The following SACS variants were observed in gnomAD, a reference collection of about 807,000 sequenced individuals.
SACS encodes sacsin molecular chaperone.
A neutral mutation model predicts 348.0 loss-of-function variants in SACS; 197 were observed. The observed-to-expected ratio is 0.57, with a 90% CI of 0.50 to 0.64. The LOEUF (loss-of-function observed/expected upper bound fraction) is 0.64, where lower values mean the gene tolerates loss of function less well. Ranked by LOEUF, SACS falls within the 30% of genes least tolerant of loss-of-function variation. The pLI is 0.00. For synonymous variants in SACS, 1,985 were observed against 1,910.6 expected (o/e 1.04, Z -1.02); for missense variants, 4,999 against 5,360.8 (o/e 0.93, Z 2.11).
At position 23,432,087 on chromosome 13, in the gene SACS, T is replaced by C. The variant is rs149436682; in HGVS notation, c.-502+1528A>G. On this transcript the variant is annotated intron_variant, in intron 1 of 9. Transcript: ENST00000382292. ...AGGGAACTGAGGCTCACAGAAGTTA[T>C]GTGGATTGTCAGGGGCTGCAGAGTA... Among the ~76,000 whole-genome samples the C allele has an allele frequency of 6.5e-3, 984 of 152,320 alleles. 21 individuals carry two copies. The highest frequency in any genetic ancestry group is 0.023 in the African/African-American group (946 of 41,572).
At chr13:23,397,206 A>T (rs1346555309) in intron 2 of SACS, among the ~76,000 whole-genome samples, 2 of 152,204 alleles carry the variant, frequency 1.3e-5, no homozygotes, top group Non-Finnish European at 2.9e-5. Flanking sequence ...AAAGGAAACT[A>T]TTACAATTAA....
At position 23,341,193 on chromosome 13, in the gene SACS, G is replaced by A; in HGVS notation, c.2683C>T (p.Leu895=). 3 of 1,613,616 alleles carry A rather than the reference G, an allele frequency of 1.9e-6. No homozygotes were observed. The highest frequency in any genetic ancestry group is 2.5e-6 in the Non-Finnish European group (3 of 1,180,028). Residue 895 remains leucine (L), a synonymous_variant, in exon 10 of 10, where the codon CTA becomes TTA. Coordinates refer to ENST00000382292, the MANE Select transcript of SACS (RefSeq NM_014363.6). The part of the protein sequence containing the change: ...LQKLCNQITS[L]LPTHKDALRK... ...AGGGCATCTTTGTGTGTTGGAAGTAGCGAAGTTATTTGATTACACAATTTC... is the reference window on the plus strand; with the variant it reads ...AGGGCATCTTTGTGTGTTGGAAGTAACGAAGTTATTTGATTACACAATTTC...
chr13:23,345,908 T>TA lies in SACS; in HGVS notation c.2186-4219dup, dbSNP rs564848742. ...GTTGAGTCAAAAATTTTTTATTTATTAAAAAAAAAGGCAGTCAGTAAAATG... is the reference window on the plus strand; with the variant it reads ...GTTGAGTCAAAAATTTTTTATTTATTAAAAAAAAAAGGCAGTCAGTAAAATG... On this transcript the variant is annotated intron_variant, in intron 9 of 9. Coordinates refer to ENST00000382292, the MANE Select transcript of SACS (RefSeq NM_014363.6). 6.6e-5 allele frequency among the ~76,000 whole-genome samples: 10 copies of TA among 150,996 alleles called. No individual in the cohort carries two copies. In the South Asian group the frequency reaches 8.4e-4, roughly 13 times the overall value.
intron 9 of SACS, among the ~76,000 whole-genome samples, chr13:23,343,142 A>G (rs1409497): frequency 0.063 from 9,611 of 152,262 alleles, 440 homozygotes; most frequent in Non-Finnish European, 0.097. Flanking sequence ...CACTCAGAAG[A>G]TATTTCCTTG....
chr13:23,379,832 C>G (rs1344252999), intron 2 of SACS, among the ~76,000 whole-genome samples: 1 of 152,128 alleles, frequency 6.6e-6, no homozygotes, highest in African/African-American at 2.4e-5. Context: ...TGCCAACTGC[C>G]CAGATATTGT....
At chr13:23,433,186 A>G (rs1874504419) in intron 1 of SACS, among the ~76,000 whole-genome samples, 1 of 152,200 alleles carries the variant, frequency 6.6e-6, no homozygotes, top group Non-Finnish European at 1.5e-5. Flanking sequence ...CTTATTGTTC[A>G]ATAAGACTCT....
At chr13:23,381,103 A>G (rs1872034539) in intron 2 of SACS, among the ~76,000 whole-genome samples, 1 of 152,194 alleles carries the variant, frequency 6.6e-6, no homozygotes, top group Admixed American at 6.5e-5. Flanking sequence ...ATGGTTTGTA[A>G]TTTGTCTAAA....
chr13:23,329,622 A>G lies in SACS; in HGVS notation c.*514T>C. 1 of 553,228 alleles carries G rather than the reference A, an allele frequency of 1.8e-6. No individual in the cohort carries two copies. The highest frequency in any genetic ancestry group is 3.0e-5 in the East Asian group (1 of 33,150). The allele number at this position is 553,228 out of a possible 1,614,324, so 34.3% of individuals were successfully genotyped here. ...CTACCATTTCTTAAATGCACTGAGT[A>G]CAACATAAAATTACAACAAATTCAT... On this transcript the variant is annotated 3_prime_UTR_variant, in exon 10 of 10. Coordinates refer to ENST00000382292, the MANE Select transcript of SACS (RefSeq NM_014363.6).
chr13:23,380,232 T>C (rs1386736251), intron 2 of SACS, among the ~76,000 whole-genome samples: 1 of 152,032 alleles, frequency 6.6e-6, no homozygotes, highest in African/African-American at 2.4e-5. Context: ...GAAAGGATGA[T>C]GCTGACTGGG....
intron 2 of SACS, among the ~76,000 whole-genome samples, chr13:23,406,594 T>A (rs150823029): frequency 3.2e-4 from 49 of 152,316 alleles, no homozygotes; most frequent in African/African-American, 1.1e-3. Flanking sequence ...CAATTCCACA[T>A]AAAACACTTC....
intron 2 of SACS, among the ~76,000 whole-genome samples, chr13:23,403,876 G>A (rs1205460485): frequency 6.6e-6 from 1 of 152,142 alleles, no homozygotes; most frequent in East Asian, 1.9e-4. Context: ...TCTCCTGTGG[G>A]CATTTAGTGC....
chr13:23,352,741 C>A (rs1034775687), intron 9 of SACS, among the ~76,000 whole-genome samples: 1 of 152,130 alleles, frequency 6.6e-6, no homozygotes, highest in Non-Finnish European at 1.5e-5. Context: ...ATGACAATTA[C>A]AATTAAATGA....
intron 1 of SACS, among the ~76,000 whole-genome samples, chr13:23,430,838 T>C (rs1874406688): frequency 6.6e-6 from 1 of 152,194 alleles, no homozygotes; most frequent in Non-Finnish European, 1.5e-5. Flanking sequence ...GTAAGGTTAT[T>C]ATAATTGGAC....
chr13:23,404,757 A>G (rs989408854), intron 2 of SACS, among the ~76,000 whole-genome samples: 1 of 152,214 alleles, frequency 6.6e-6, no homozygotes, highest in Non-Finnish European at 1.5e-5. Context: ...AAAAATCGCA[A>G]GCATTTCTAT....
chr13:23,382,451 A>G (rs1365725362), intron 2 of SACS, among the ~76,000 whole-genome samples: 2 of 152,224 alleles, frequency 1.3e-5, no homozygotes, highest in East Asian at 3.8e-4. Flanking sequence ...TCATTTCCCA[A>G]ACCATTTCAA....
At chr13:23,409,185 T>A (rs1345199054) in intron 2 of SACS, among the ~76,000 whole-genome samples, 2 of 146,920 alleles carry the variant, frequency 1.4e-5, no homozygotes, top group African/African-American at 5.0e-5. Flanking sequence ...GCCTCCCTAG[T>A]AGCTGGGACT....
intron 9 of SACS, among the ~76,000 whole-genome samples, chr13:23,351,614 C>T (rs1430699626): frequency 6.6e-6 from 1 of 152,184 alleles, no homozygotes; most frequent in Non-Finnish European, 1.5e-5. Context: ...GTCCATTAAA[C>T]TTCTTTTTAT....
rs1436667862 is a variant in SACS, at chr13:23,334,636, G to A, written c.9240C>T (p.Tyr3080=). ...VYNCDETANL[Y]HCLIDADIPV... ...GAATATCTGCATCTATAAGACAGTGGTAAAGATTAGCAGTTTCATCACAGT... is the reference window on the plus strand; with the variant it reads ...GAATATCTGCATCTATAAGACAGTGATAAAGATTAGCAGTTTCATCACAGT... Residue 3080 remains tyrosine, a synonymous_variant, in exon 10 of 10, where the codon TAC becomes TAT. Transcript: ENST00000382292. 2 of 1,613,328 alleles carry A rather than the reference G, an allele frequency of 1.2e-6. No homozygotes were observed. Among genetic ancestry groups the A allele is most frequent in the African/African-American group, 2.7e-5 (2 of 74,898 alleles).
intron 6 of SACS, among the ~76,000 whole-genome samples, chr13:23,358,774 A>G (rs1870550528): frequency 1.3e-5 from 2 of 152,174 alleles, no homozygotes; most frequent in South Asian, 4.1e-4. Flanking sequence ...ATCAGTTACT[A>G]CTCTACGTGA....
Sources: allele counts gnomAD v4.1 joint callset (sites outside exome capture counted in the v4.1 genomes callset), GRCh38; gene constraint gnomAD v4.1.1; transcripts MANE v1.5; gene names NCBI Gene and HGNC (gene_info 2026-07-23, HGNC 2026-07-21).